IFFO1: variants seen among roughly 807,000 people sequenced by gnomAD.
The protein encoded by IFFO1 is intermediate filament family orphan 1.
Under a neutral mutation model 59.6 loss-of-function variants are expected in IFFO1, and 42 were observed. The observed-to-expected ratio is 0.70, with a 90% CI of 0.55 to 0.91. The LOEUF is 0.91. IFFO1 is among the 40% of genes least tolerant of loss of function. The probability of loss-of-function intolerance (pLI) is 0.00; values close to 1 mark genes in which losing one functional copy is unlikely to be tolerated. For missense variants in IFFO1, 711 were observed against 793.2 expected (o/e 0.90, Z 1.24); for synonymous variants, 336 against 342.8 (o/e 0.98, Z 0.22).
rs1240942740 is a variant in IFFO1, at chr12:6,549,080, G to A, written c.1081-231C>T. 3 of 580,614 alleles carry A rather than the reference G, an allele frequency of 5.2e-6. No homozygotes were observed. The highest frequency in any genetic ancestry group is 9.1e-6 in the Non-Finnish European group (3 of 328,752). The allele number at this position is 580,614 out of a possible 1,614,324, so 36.0% of individuals were successfully genotyped here. ...CAGAACAAGAAGAAATCGAGAAGAA[G>A]AGCAGTCAGACAAGGAAGGAAGGGC... On this transcript the variant is annotated intron_variant, in intron 5 of 9. Transcript: ENST00000619571. The surrounding 1 kb of genome is among the most constrained non-coding windows in gnomAD (Gnocchi z 5.0).
Position 6,556,016 on chromosome 12 carries a change from A to T in IFFO1, c.14T>A (p.Phe5Tyr), listed in dbSNP as rs1207059129. The T allele has an allele frequency of 1.3e-6, 2 of 1,581,144 alleles. No homozygotes were observed. The highest frequency in any genetic ancestry group is 1.7e-6 in the Non-Finnish European group (2 of 1,171,596). MNPL[F>Y]GPNLFLLQQE... ...CTGCAGGAGGAAGAGGTTGGGGCCG[A>T]ATAACGGATTCATGGCTGCGCCTTC... is the stretch of plus-strand genomic sequence containing the variant. The change falls in exon 1 of 10, where the codon TTC becomes TAC. Residue 5 changes from phenylalanine (F) to tyrosine (Y), a missense_variant. Coordinates refer to ENST00000619571, the MANE Select transcript of IFFO1 (RefSeq NM_001193457.2).
In IFFO1 at chr12:6,539,680, C is replaced by T. The variant is rs976699089; in HGVS notation, c.*803G>A. ...CAGGGACACTGTAGCCTGTTGGTCT[C>T]AGTGTATGACAGACACGGAGGAAGC... On this transcript the variant is annotated 3_prime_UTR_variant, in exon 10 of 10. Coordinates refer to ENST00000619571, the MANE Select transcript of IFFO1 (RefSeq NM_001193457.2). 5 of 152,300 alleles carry T rather than the reference C, an allele frequency of 3.3e-5. No homozygotes were observed. The highest frequency in any genetic ancestry group is 7.3e-5 in the Non-Finnish European group (5 of 68,100). 9.4% of individuals were successfully genotyped at this position (152,300 alleles called of 1,614,324 possible).
rs1012249737 is a variant in IFFO1, at chr12:6,541,291, C to T, written c.1610+221G>A. 6.6e-6 allele frequency among the ~76,000 whole-genome samples: 1 copy of T among 152,154 alleles called. No homozygotes were observed. On this transcript the variant is annotated intron_variant, in intron 9 of 9. Coordinates refer to ENST00000619571, the MANE Select transcript of IFFO1 (RefSeq NM_001193457.2). The surrounding 1 kb of genome is among the most constrained non-coding windows in gnomAD (Gnocchi z 4.8). ...CCAGGGGAACCACCAGAGCTGGTGG[C>T]CTTGGGAGGTTTCAGCCCTCCCGTC... is the stretch of plus-strand genomic sequence containing the variant.
At position 6,539,542 on chromosome 12, in the gene IFFO1, T is replaced by A. The variant is rs141352049; in HGVS notation, c.*941A>T. On this transcript the variant is annotated 3_prime_UTR_variant, in exon 10 of 10. Coordinates refer to ENST00000619571, the MANE Select transcript of IFFO1 (RefSeq NM_001193457.2). ...TGACACCAAAGTGCACAATAAATACTCGCCAGTTTCATTATTATTAAAGAA... is the reference window on the plus strand; with the variant it reads ...TGACACCAAAGTGCACAATAAATACACGCCAGTTTCATTATTATTAAAGAA... The A allele has an allele frequency of 1.4e-4, 21 of 152,090 alleles. No individual in the cohort carries two copies. Among genetic ancestry groups the A allele is most frequent in the African/African-American group, 4.8e-4 (20 of 41,456 alleles). 9.4% of individuals were successfully genotyped at this position (152,090 alleles called of 1,614,324 possible).
chr12:6,541,773 T>A lies in IFFO1; in HGVS notation c.1480-131A>T, dbSNP rs1343696842. On this transcript the variant is annotated intron_variant, in intron 8 of 9. Transcript: ENST00000619571. This position sits in a 1 kb window ranked among gnomAD's most constrained non-coding sequence, Gnocchi z 4.8. The stretch of plus-strand genomic sequence containing the variant: ...GGCCCAGGCAGCCATTACTGAAGGC[T>A]CAGATTTTAAAATAAACCAGACCAA... 6.4e-6 allele frequency: 7 copies of A among 1,086,506 alleles called. No homozygotes were observed. The Admixed American group carries it at 1.3e-4, about 20-fold the overall frequency. 67.3% of individuals were successfully genotyped at this position (1,086,506 alleles called of 1,614,324 possible). A position where few individuals can be genotyped will look rare whatever the true frequency, so the allele number is the denominator to read the frequency against.
rs1480802684 is a variant in IFFO1, at chr12:6,555,358, C to T, written c.672G>A (p.Pro224=). The T allele has an allele frequency of 1.2e-6, 2 of 1,614,188 alleles. No individual in the cohort carries two copies. Among genetic ancestry groups the T allele is most frequent in the Non-Finnish European group, 1.7e-6 (2 of 1,180,022 alleles). ...TGTCGATCTGGACGCCCACCCCATC[C>T]GGGTGCACCCACGACAAGCCAGGCC... The part of the protein sequence containing the change: ...VQGPGLSWVH[P]DGVGVQIDTI... The change falls in exon 1 of 10, where the codon CCG becomes CCA. Residue 224 remains proline, a synonymous_variant. Coordinates refer to ENST00000619571, the MANE Select transcript of IFFO1 (RefSeq NM_001193457.2). This position sits in a 1 kb window ranked among gnomAD's most constrained non-coding sequence, Gnocchi z 8.6.
In IFFO1 at chr12:6,549,509, T is replaced by G; in HGVS notation, c.1072-25A>C. 1 of 1,599,842 alleles carries G rather than the reference T, an allele frequency of 6.3e-7. No individual in the cohort carries two copies. The highest frequency in any genetic ancestry group is 1.7e-5 in the Admixed American group (1 of 59,910). ...TCTGTGGAGGAAGCAAGAGAGAAGA[T>G]GAGAGGAAGAGAGGAGAGGAAGCAG... On this transcript the variant is annotated intron_variant, in intron 4 of 9. Transcript: ENST00000619571. The surrounding 1 kb of genome is among the most constrained non-coding windows in gnomAD (Gnocchi z 5.0).
At chr12:6,550,449 A>C in intron 3 of IFFO1, 1 of 551,538 alleles carries the variant, frequency 1.8e-6, no homozygotes, top group South Asian at 2.3e-5. Context: ...CCACCCCAGA[A>C]GCTGCTCACT....
At chr12:6,545,171 C>T (rs1212858357) in intron 8 of IFFO1, among the ~76,000 whole-genome samples, 3 of 150,774 alleles carry the variant, frequency 2.0e-5, no homozygotes, top group South Asian at 2.1e-4. Flanking sequence ...GCTGAGATCG[C>T]GCCACTGCAC....
rs756824279 is a variant in IFFO1 at position 6,555,494 on chromosome 12, G to T, written c.536C>A (p.Thr179Asn). 1.2e-6 allele frequency: 2 copies of T among 1,605,992 alleles called. No individual in the cohort carries two copies. Among genetic ancestry groups the T allele is most frequent in the East Asian group, 2.3e-5 (1 of 44,306 alleles). ...PSAASLSSSS[T>N]STSTTYSSSA... ...CGAGGAATAGGTGGTGGAGGTGGAG[G>T]TGGAGGACGACGAGAGGCTGGCCGC... Residue 179 changes from threonine to asparagine, a missense_variant, in exon 1 of 10, where the codon ACC becomes AAC. Thr to Asn is a moderately conservative substitution (Grantham distance 65). Around this residue, in one of 3 missense-constraint regions of IFFO1, gnomAD observed 579 missense variants for 650.3 expected, o/e 0.89. Transcript: ENST00000619571. The surrounding 1 kb of genome is among the most constrained non-coding windows in gnomAD (Gnocchi z 8.6).
At position 6,540,434 on chromosome 12, in the gene IFFO1, G is replaced by T. The variant is rs991405270; in HGVS notation, c.*49C>A. 1.4e-6 allele frequency: 2 copies of T among 1,462,666 alleles called. No homozygotes were observed. The highest frequency in any genetic ancestry group is 3.3e-5 in the Admixed American group (2 of 59,830). 90.6% of individuals were successfully genotyped at this position (1,462,666 alleles called of 1,614,324 possible). On this transcript the variant is annotated 3_prime_UTR_variant, in exon 10 of 10. Transcript: ENST00000619571. ...TCTGTGCAGCCCCACCCTCTGCCTC[G>T]CTGAGCTCCCTGCTGCGAGGGCCTC...
Position 6,556,035 on chromosome 12 carries a change from C to T in IFFO1, c.-6G>A, listed in dbSNP as rs1474220593. The T allele has an allele frequency of 1.3e-6, 2 of 1,574,692 alleles. No individual in the cohort carries two copies. The highest frequency in any genetic ancestry group is 2.3e-5 in the East Asian group (1 of 43,652). On this transcript the variant is annotated 5_prime_UTR_variant, in exon 1 of 10. Transcript: ENST00000619571. Reference sequence around the variant, plus strand: ...GGGCCGAATAACGGATTCATGGCTGCGCCTTCTGCTGGGAGATGCAGACCG... The same window carrying T: ...GGGCCGAATAACGGATTCATGGCTGTGCCTTCTGCTGGGAGATGCAGACCG...
rs1273836301 is a variant in IFFO1 at position 6,555,920 on chromosome 12, T to C, written c.110A>G (p.Asp37Gly). Residue 37 changes from aspartate to glycine, a missense_variant, in exon 1 of 10, where the codon GAC (aspartate) becomes GGC (glycine). By Grantham distance (94) the Asp-to-Gly change is moderately conservative. Around this residue, in one of 3 missense-constraint regions of IFFO1, gnomAD observed 114 missense variants for 102.4 expected, o/e 1.11. Transcript: ENST00000619571. The surrounding 1 kb of genome is among the most constrained non-coding windows in gnomAD (Gnocchi z 8.6). ...LGGDHFAGGG[D>G]LPPAPLSPAG... ...CGGCGAGAGAGGCGCCGGGGGCAAG[T>C]CTCCTCCCCCGGCGAAGTGGTCGCC... 1 of 1,551,022 alleles carries C rather than the reference T, an allele frequency of 6.4e-7. No homozygotes were observed. The highest frequency in any genetic ancestry group is 1.4e-5 in the African/African-American group (1 of 72,820).
In IFFO1 at chr12:6,552,416, G is replaced by A. The variant is rs187420293; in HGVS notation, c.774-1415C>T. Among the ~76,000 whole-genome samples the A allele has an allele frequency of 2.5e-4, 38 of 152,268 alleles. No homozygotes were observed. The East Asian group carries it at 6.0e-3, about 24-fold the overall frequency. Reference sequence around the variant, plus strand: ...CCCAGCCCCCTTCCCTGTGTGTCCCGTAGGTGCTTCTCCCCTCCTCCCTGG... The same window carrying A: ...CCCAGCCCCCTTCCCTGTGTGTCCCATAGGTGCTTCTCCCCTCCTCCCTGG... On this transcript the variant is annotated intron_variant, in intron 1 of 9. Transcript: ENST00000619571.
chr12:6,549,568 G>A lies in IFFO1; in HGVS notation c.1072-84C>T, dbSNP rs370062847. The A allele has an allele frequency of 4.3e-5, 58 of 1,342,602 alleles. 1 individual carries two copies. Among genetic ancestry groups the A allele is most frequent in the East Asian group, 2.1e-4 (9 of 43,576 alleles). The allele number at this position is 1,342,602 out of a possible 1,614,324, so 83.2% of individuals were successfully genotyped here. ...GAGAGAGGGGGAAGGGAGAGACGGC[G>A]TTAGAGACAGCTTCCACGATGCCCC... On this transcript the variant is annotated intron_variant, in intron 4 of 9. Coordinates refer to ENST00000619571, the MANE Select transcript of IFFO1 (RefSeq NM_001193457.2). This position sits in a 1 kb window ranked among gnomAD's most constrained non-coding sequence, Gnocchi z 5.0.
intron 1 of IFFO1, among the ~76,000 whole-genome samples, chr12:6,554,399 A>G (rs1947352584): frequency 6.6e-6 from 1 of 152,180 alleles, no homozygotes; most frequent in African/African-American, 2.4e-5. Context: ...CTTGGTTATC[A>G]GCCATCTAAG....
At chr12:6,552,957 A>G (rs949222367) in intron 1 of IFFO1, among the ~76,000 whole-genome samples, 6 of 152,204 alleles carry the variant, frequency 3.9e-5, no homozygotes, top group African/African-American at 1.4e-4. Flanking sequence ...AAAAAACTGT[A>G]TCCCTGGGTT....
Position 6,549,773 on chromosome 12 carries a change from T to A in IFFO1, c.1054A>T (p.Met352Leu). 6.2e-7 allele frequency: 1 copy of A among 1,613,848 alleles called. No homozygotes were observed. Among genetic ancestry groups the A allele is most frequent in the Non-Finnish European group, 8.5e-7 (1 of 1,179,734 alleles). ...DVAQQRNCEDMIQMFQKKLSL... is the reference protein window; with the variant it reads ...DVAQQRNCEDLIQMFQKKLSL... Reference sequence around the variant, plus strand: ...GTCCTCACCTGGAACATCTGGATCATGTCCTCGCAGTTGCGCTGCTGAGCC... The same window carrying A: ...GTCCTCACCTGGAACATCTGGATCAAGTCCTCGCAGTTGCGCTGCTGAGCC... The change falls in exon 4 of 10, where the codon ATG (methionine) becomes TTG (leucine). Residue 352 changes from methionine (M) to leucine (L), a missense_variant. Transcript: ENST00000619571. This position sits in a 1 kb window ranked among gnomAD's most constrained non-coding sequence, Gnocchi z 5.0.
At chr12:6,552,248 C>T (rs896941783) in intron 1 of IFFO1, among the ~76,000 whole-genome samples, 1 of 152,216 alleles carries the variant, frequency 6.6e-6, no homozygotes, top group African/African-American at 2.4e-5. Flanking sequence ...TCCTCATTCA[C>T]AGCCGCACTG....
Sources: gnomAD v4.1 joint callset for allele counts (sites outside exome capture counted in the v4.1 genomes callset) on GRCh38, gnomAD v4.1.1 for gene constraint, gnomAD v4.1.1 regional missense constraint, Gnocchi (gnomAD v3.1) non-coding constraint, MANE v1.5 for transcripts, NCBI Gene and HGNC (gene_info 2026-07-23, HGNC 2026-07-21) for gene names.